FAM114A1: variants seen among roughly 807,000 people sequenced by gnomAD.
The protein encoded by FAM114A1 is protein NOXP20.
A neutral mutation model predicts 64.3 loss-of-function variants in FAM114A1; 62 were observed. The observed-to-expected ratio is 0.96, with a 90% CI of 0.79 to 1.19. FAM114A1 has a LOEUF of 1.19. FAM114A1 is among the 50% of genes most tolerant of loss of function. FAM114A1 has a pLI of 0.00. For missense variants in FAM114A1, 645 were observed against 676.3 expected (o/e 0.95, Z 0.51); for synonymous variants, 254 against 251.1 (o/e 1.01, Z -0.11).
At chr4:38,915,172 G>C (rs1481575048) in intron 8 of FAM114A1, 99 bp downstream of exon 8, 7 of 1,448,734 alleles carry the variant, frequency 4.8e-6, no homozygotes, top group Non-Finnish European at 6.6e-6. Flanking sequence ...CTCATTTTTA[G>C]AGCCTCATTA....
At chr4:38,895,732 C>T (rs1716867926) in intron 4 of FAM114A1, among the ~76,000 whole-genome samples, 1 of 151,834 alleles carries the variant, frequency 6.6e-6, no homozygotes, top group Non-Finnish European at 1.5e-5. Flanking sequence ...AAAGTATACA[C>T]AGACCTACAC....
intron 3 of FAM114A1, among the ~76,000 whole-genome samples, chr4:38,880,090 A>AGTAGAATAGAGTAGAATAGAATAG (rs3067658): frequency 3.3e-4 from 31 of 92,992 alleles, no homozygotes; most frequent in African/African-American, 4.6e-4. Context: ...AAATAAAATA[A>AGTAGAATAGAGTAGAATAGAATAG]AATAAAATAA....
chr4:38,876,021 G>C (rs765807008), intron 2 of FAM114A1, among the ~76,000 whole-genome samples: 50 of 152,038 alleles, frequency 3.3e-4, no homozygotes, highest in Non-Finnish European at 6.8e-4. Context: ...CCATGGTCTA[G>C]ACCTTCATCA....
chr4:38,936,219 A>G (rs1721080829), intron 13 of FAM114A1, among the ~76,000 whole-genome samples: 1 of 150,466 alleles, frequency 6.6e-6, no homozygotes, highest in Non-Finnish European at 1.5e-5. Flanking sequence ...CAGCCTCCCA[A>G]GTAGCTGGGA....
chr4:38,902,137 C>A (rs1477140276), intron 4 of FAM114A1, among the ~76,000 whole-genome samples: 1 of 152,128 alleles, frequency 6.6e-6, no homozygotes, highest in Non-Finnish European at 1.5e-5. Context: ...TGGAATCCTG[C>A]CTTTGTCACT....
rs1718251662 is a variant in FAM114A1 at position 38,908,685 on chromosome 4, CG to C, written c.753del (p.Thr252ProfsTer15). ...VLAESDPGFKRTKTLMERTVS... is the reference protein window; with the variant it reads ...VLAESDPGFKXTKTLMERTVS... ...TGCAGAAAGTGACCCGGGCTTTAAG[CG>C]GACCAAGACGCTCATGGAGAGAACT... is the stretch of plus-strand genomic sequence containing the variant. On this transcript the variant is annotated frameshift_variant, in exon 7 of 15. Transcript: ENST00000358869. LOFTEE classifies it high-confidence loss of function. 1 of 1,612,574 alleles carries C rather than the reference CG, an allele frequency of 6.2e-7. No individual in the cohort carries two copies. Among genetic ancestry groups the C allele is most frequent in the Admixed American group, 1.7e-5 (1 of 59,994 alleles).
intron 11 of FAM114A1, 135 bp from the exon 12 acceptor site, chr4:38,932,099 GT>G: frequency 7.9e-6 from 8 of 1,015,380 alleles, no homozygotes; most frequent in Non-Finnish European, 1.1e-5. Flanking sequence ...AGATATGCTT[GT>G]AATCATCAGG....
chr4:38,899,024 G>A (rs938660219), intron 4 of FAM114A1, among the ~76,000 whole-genome samples: 3 of 116,542 alleles, frequency 2.6e-5, no homozygotes, highest in Non-Finnish European at 5.6e-5. Flanking sequence ...TCATATATAT[G>A]TTATATATAT....
At chr4:38,942,197 G>T (rs568133472) in intron 14 of FAM114A1, among the ~76,000 whole-genome samples, 1 of 152,162 alleles carries the variant, frequency 6.6e-6, no homozygotes, top group Non-Finnish European at 1.5e-5. Flanking sequence ...TAAAATTCAA[G>T]ATGAGATTTG....
chr4:38,926,818 C>A (rs1402390927), intron 9 of FAM114A1, among the ~76,000 whole-genome samples: 1 of 152,194 alleles, frequency 6.6e-6, no homozygotes, highest in Non-Finnish European at 1.5e-5. Context: ...CCAGCTCTCC[C>A]TTTGTGTGAT....
Position 38,878,211 on chromosome 4 carries a change from C to T in FAM114A1, c.133C>T (p.Pro45Ser). 6.2e-7 allele frequency: 1 copy of T among 1,614,220 alleles called. No individual in the cohort carries two copies. Among genetic ancestry groups the T allele is most frequent in the Non-Finnish European group, 8.5e-7 (1 of 1,180,038 alleles). ...AGCTGCAGTTTCACATGAGCCAACA[C>T]CAGCTGACCCCAGAGGGGAGGGGCA... ...DSAAVSHEPT[P>S]ADPRGEGHEN... The change falls in exon 3 of 15, where the codon CCA becomes TCA. Residue 45 changes from proline to serine, a missense_variant. By Grantham distance (74) the Pro-to-Ser change is moderately conservative. Coordinates refer to ENST00000358869, the MANE Select transcript of FAM114A1 (RefSeq NM_138389.4).
chr4:38,943,397 G>A (rs186103449), intron 14 of FAM114A1, 59 bp from the exon 15 acceptor site: 4 of 1,392,456 alleles, frequency 2.9e-6, no homozygotes, highest in East Asian at 4.6e-5. Context: ...CCAATTGGAA[G>A]TATTGTCAAG....
At chr4:38,921,961 G>C (rs867845227) in intron 8 of FAM114A1, among the ~76,000 whole-genome samples, 6 of 151,896 alleles carry the variant, frequency 4.0e-5, no homozygotes, top group Non-Finnish European at 4.4e-5. Flanking sequence ...TTTATTTTTT[G>C]AGATGGAGTC....
intron 7 of FAM114A1, among the ~76,000 whole-genome samples, chr4:38,913,607 C>G (rs923659810): frequency 1.0e-4 from 15 of 150,516 alleles, no homozygotes; most frequent in Non-Finnish European, 2.1e-4. Context: ...CCAGGCTGGT[C>G]TCGAACTCCT....
At chr4:38,941,290 T>A (rs1721562891) in intron 14 of FAM114A1, among the ~76,000 whole-genome samples, 1 of 152,192 alleles carries the variant, frequency 6.6e-6, no homozygotes, top group Non-Finnish European at 1.5e-5. Context: ...CAGAAGCAGA[T>A]TTCTGCTGCC....
intron 8 of FAM114A1, among the ~76,000 whole-genome samples, chr4:38,922,028 G>A (rs1212665568): frequency 1.3e-5 from 2 of 152,030 alleles, no homozygotes; most frequent in Non-Finnish European, 1.5e-5. Flanking sequence ...TGCAAACTCC[G>A]ACTCCCTGGC....
intron 13 of FAM114A1, among the ~76,000 whole-genome samples, chr4:38,939,040 T>C (rs2109811116): frequency 6.6e-6 from 1 of 152,346 alleles, no homozygotes; most frequent in Non-Finnish European, 1.5e-5. Flanking sequence ...AAGATTCTTA[T>C]TCAGTAGGTC....
chr4:38,868,085 C>G (rs956743534), intron 1 of FAM114A1: 4 of 420,142 alleles, frequency 9.5e-6, no homozygotes, highest in Non-Finnish European at 1.5e-5. Flanking sequence ...GTGTGTCGCT[C>G]CGGGTCCACG....
chr4:38,895,231 T>C (rs964572598), intron 4 of FAM114A1, among the ~76,000 whole-genome samples: 2 of 152,224 alleles, frequency 1.3e-5, no homozygotes, highest in Non-Finnish European at 2.9e-5. Context: ...ATTCACGTTG[T>C]TGGCAGAATT....
Sources: allele counts gnomAD v4.1 joint callset (sites outside exome capture counted in the v4.1 genomes callset), GRCh38; gene constraint gnomAD v4.1.1; transcripts MANE v1.5; gene names NCBI Gene and HGNC (gene_info 2026-07-23, HGNC 2026-07-21).